Variants in LUZP2 observed in about 807,000 individuals in gnomAD.
LUZP2 encodes leucine zipper protein 2.
Under a neutral mutation model 51.6 loss-of-function variants are expected in LUZP2, and 52 were observed. The ratio of observed to expected loss-of-function variants is 1.01; its 90% CI spans 0.81 to 1.27. LUZP2 has a LOEUF of 1.27. Ranked by LOEUF, LUZP2 falls within the 50% of genes most tolerant of loss-of-function variation. LUZP2 has a pLI of 0.00. For missense variants in LUZP2, 436 were observed against 395.4 expected (o/e 1.10, Z -0.87); for synonymous variants, 154 against 137.3 (o/e 1.12, Z -0.85).
intron 7 of LUZP2, among the ~76,000 whole-genome samples, chr11:24,974,162 G>A (rs1299215401): frequency 2.6e-5 from 4 of 152,040 alleles, no homozygotes; most frequent in Admixed American, 6.6e-5. Context: ...TCTTCTTGTG[G>A]AATTGAAACT....
intron 1 of LUZP2, among the ~76,000 whole-genome samples, chr11:24,714,116 G>T (rs1344417706): frequency 6.6e-6 from 1 of 151,922 alleles, no homozygotes; most frequent in Non-Finnish European, 1.5e-5. Flanking sequence ...TTATAATGAT[G>T]ATTTAAAGTA....
intron 1 of LUZP2, among the ~76,000 whole-genome samples, chr11:24,698,140 C>G (rs1288522819): frequency 6.6e-6 from 1 of 152,114 alleles, no homozygotes; most frequent in Non-Finnish European, 1.5e-5. Context: ...TAATTAAACT[C>G]TTTCTTTTCT....
At chr11:25,024,995 A>G (rs1174377451) in intron 9 of LUZP2, among the ~76,000 whole-genome samples, 1 of 151,884 alleles carries the variant, frequency 6.6e-6, no homozygotes, top group Non-Finnish European at 1.5e-5. Flanking sequence ...AATACCACAC[A>G]TCTACAACCA....
At chr11:24,575,254 C>G (rs1465477289) in intron 1 of LUZP2, among the ~76,000 whole-genome samples, 1 of 152,042 alleles carries the variant, frequency 6.6e-6, no homozygotes, top group East Asian at 1.9e-4. Context: ...TTTTCTTAGT[C>G]CTTTCTAATT....
intron 9 of LUZP2, among the ~76,000 whole-genome samples, chr11:24,997,429 GTC>G (rs1291938682): frequency 6.6e-6 from 1 of 152,090 alleles, no homozygotes; most frequent in Non-Finnish European, 1.5e-5. Flanking sequence ...TTTGAGAAGT[GTC>G]TGTTCATGTC....
chr11:24,932,822 G>A (rs1042180092), intron 7 of LUZP2, among the ~76,000 whole-genome samples: 2 of 152,074 alleles, frequency 1.3e-5, no homozygotes, highest in Non-Finnish European at 2.9e-5. Context: ...CCTCTCTCTC[G>A]GGTTCTGTCC....
chr11:24,601,932 ATATATGTATATATGTATAAATG>A (rs1853664770), intron 1 of LUZP2, among the ~76,000 whole-genome samples: 2 of 137,620 alleles, frequency 1.5e-5, no homozygotes, highest in South Asian at 2.2e-4. Context: ...ATATATATGT[ATATATGTATATATGTATAAATG>A]TATATATGTA....
chr11:24,654,361 G>C (rs1338665966), intron 1 of LUZP2, among the ~76,000 whole-genome samples: 2 of 152,112 alleles, frequency 1.3e-5, no homozygotes, highest in African/African-American at 4.8e-5. Flanking sequence ...TTTCCTAGAA[G>C]TGATGATTTA....
At chr11:25,040,977 GACTGC>G (rs902422851) in intron 9 of LUZP2, among the ~76,000 whole-genome samples, 16 of 151,970 alleles carry the variant, frequency 1.1e-4, no homozygotes, top group Non-Finnish European at 2.2e-4. Context: ...TTTAGCTCTT[GACTGC>G]CCTCATTCTG....
At position 24,763,260 on chromosome 11, in the gene LUZP2, G is replaced by T; in HGVS notation, c.348G>T (p.Lys116Asn). Residue 116 changes from lysine to asparagine, a missense_variant, in exon 5 of 12, where the codon AAG becomes AAT. Transcript: ENST00000336930. Reference sequence around the variant, plus strand: ...TTCATTTTCAGATTAATTTTTTAAAGACTGAAGTTGAAAGAAAGAGCAAAA... The same window carrying T: ...TTCATTTTCAGATTAATTTTTTAAATACTGAAGTTGAAAGAAAGAGCAAAA... ...EKHQATINFL[K>N]TEVERKSKMI... 1 of 1,386,976 alleles carries T rather than the reference G, an allele frequency of 7.2e-7. No individual in the cohort carries two copies. Among genetic ancestry groups the T allele is most frequent in the South Asian group, 1.8e-5 (1 of 56,364 alleles). 85.9% of individuals were successfully genotyped at this position (1,386,976 alleles called of 1,614,324 possible). A position where few individuals can be genotyped will look rare whatever the true frequency, so the allele number is the denominator to read the frequency against.
chr11:24,869,758 A>G (rs1852002010), intron 5 of LUZP2, among the ~76,000 whole-genome samples: 1 of 152,162 alleles, frequency 6.6e-6, no homozygotes, highest in Admixed American at 6.6e-5. Context: ...GCTCCCTCTC[A>G]TCAGGGGTCC....
chr11:24,676,435 G>A (rs1366732654), intron 1 of LUZP2, among the ~76,000 whole-genome samples: 1 of 151,982 alleles, frequency 6.6e-6, no homozygotes, highest in African/African-American at 2.4e-5. Context: ...TAATCCAAAT[G>A]CCTCCAATAA....
chr11:24,603,286 A>G (rs1413783203), intron 1 of LUZP2, among the ~76,000 whole-genome samples: 1 of 151,814 alleles, frequency 6.6e-6, no homozygotes, highest in Non-Finnish European at 1.5e-5. Context: ...TATTATTTCA[A>G]AACTTATTTC....
chr11:24,532,047 C>T (rs1851018855), intron 1 of LUZP2, among the ~76,000 whole-genome samples: 1 of 150,906 alleles, frequency 6.6e-6, no homozygotes, highest in Non-Finnish European at 1.5e-5. Flanking sequence ...ATCAAACAAT[C>T]AGGGCAGGAA....
At chr11:24,952,327 A>C (rs548124514) in intron 7 of LUZP2, among the ~76,000 whole-genome samples, 1 of 151,876 alleles carries the variant, frequency 6.6e-6, no homozygotes, top group Non-Finnish European at 1.5e-5. Flanking sequence ...GTGTTTTTGC[A>C]GGCACCTATA....
At chr11:25,047,165 G>A (rs560525515) in intron 9 of LUZP2, among the ~76,000 whole-genome samples, 25 of 152,076 alleles carry the variant, frequency 1.6e-4, no homozygotes, top group African/African-American at 4.3e-4. Context: ...GACTGCCAGG[G>A]GAGACTTCCA....
chr11:24,638,834 T>G (rs2133941047), intron 1 of LUZP2, among the ~76,000 whole-genome samples: 1 of 151,486 alleles, frequency 6.6e-6, no homozygotes, highest in Non-Finnish European at 1.5e-5. Context: ...GAATGGAAAA[T>G]GAATCACAGA....
intron 9 of LUZP2, among the ~76,000 whole-genome samples, chr11:25,041,557 G>C (rs541494600): frequency 1.3e-5 from 2 of 152,042 alleles, no homozygotes; most frequent in African/African-American, 2.4e-5. Context: ...CATTTAAAGT[G>C]CTTACCAATC....
intron 1 of LUZP2, among the ~76,000 whole-genome samples, chr11:24,532,863 G>T (rs1227274521): frequency 6.6e-6 from 1 of 151,018 alleles, no homozygotes; most frequent in Non-Finnish European, 1.5e-5. Flanking sequence ...CAGGTAAATT[G>T]TATAATAAAA....
Sources: allele counts gnomAD v4.1 joint callset (sites outside exome capture counted in the v4.1 genomes callset), GRCh38; gene constraint gnomAD v4.1.1; transcripts MANE v1.5; gene names NCBI Gene and HGNC (gene_info 2026-07-23, HGNC 2026-07-21).